PRLR: variants seen among roughly 807,000 people sequenced by gnomAD.
PRLR encodes hPRL receptor.
Under a neutral mutation model 40.2 loss-of-function variants are expected in PRLR, and 13 were observed. That is an observed-to-expected ratio of 0.32 (90% CI 0.21 to 0.51). The LOEUF (loss-of-function observed/expected upper bound fraction) is 0.51, where lower values mean the gene tolerates loss of function less well. Among genes scored for constraint, PRLR ranks in the 20% least tolerant of loss-of-function variants. The pLI is 0.97. For synonymous variants in PRLR, 269 were observed against 278.7 expected, an observed-to-expected ratio of 0.97 and a Z score of 0.35; for missense variants, 656 against 747.3, an observed-to-expected ratio of 0.88 and a Z score of 1.42.
rs1383652951 is a variant in PRLR, at chr5:35,058,360, A to G, written c.*6729T>C. 6.6e-6 allele frequency: 1 copy of G among 152,230 alleles called. No homozygotes were observed. Among genetic ancestry groups the G allele is most frequent in the Non-Finnish European group, 1.5e-5 (1 of 68,036 alleles). The allele number at this position is 152,230 out of a possible 1,614,324, so 9.4% of individuals were successfully genotyped here. A position where few individuals can be genotyped will look rare whatever the true frequency, so the allele number is the denominator to read the frequency against. ...CTGGTTCTAGATTGCTTTGGTTTCC[A>G]CATGAGACTTTTCAATTGTTTAAAA... On this transcript the variant is annotated 3_prime_UTR_variant, in exon 10 of 10. Transcript: ENST00000618457.
rs141645883 is a variant in PRLR at position 35,221,525 on chromosome 5, T to C, written c.-106+8743A>G. On this transcript the variant is annotated intron_variant, in intron 1 of 9. Transcript: ENST00000618457. ...TATAGTTTGATGGTTTTCTGGGCCA[T>C]GAGACTCTAAAACAAGGCAAAAGAA... Among the ~76,000 whole-genome samples the C allele has an allele frequency of 1.1e-4, 17 of 152,316 alleles. No homozygotes were observed. The East Asian group carries it at 2.7e-3, about 24-fold the overall frequency.
chr5:35,227,142 T>G (rs1776573602), intron 1 of PRLR, among the ~76,000 whole-genome samples: 1 of 152,164 alleles, frequency 6.6e-6, no homozygotes, highest in Non-Finnish European at 1.5e-5. Context: ...AGGAATATTA[T>G]CCTCCCATAG....
At chr5:35,053,254 G>C (rs1483827598), downstream of PRLR, among the ~76,000 whole-genome samples, 1 of 152,196 alleles carries the variant, frequency 6.6e-6, no homozygotes, top group Non-Finnish European at 1.5e-5. Flanking sequence ...AGTGTTGTTA[G>C]CTTGTGGTGA....
At chr5:35,151,989 C>G (rs1247883614) in intron 1 of PRLR, among the ~76,000 whole-genome samples, 1 of 152,070 alleles carries the variant, frequency 6.6e-6, no homozygotes, top group Non-Finnish European at 1.5e-5. Flanking sequence ...GTTACCACAC[C>G]GTAATTTATC....
chr5:35,123,812 T>C (rs1420236147), intron 1 of PRLR, among the ~76,000 whole-genome samples: 2 of 152,180 alleles, frequency 1.3e-5, no homozygotes, highest in Admixed American at 1.3e-4. Flanking sequence ...TAGTCTGTCA[T>C]TCTACCCTCC....
intron 6 of PRLR, among the ~76,000 whole-genome samples, chr5:35,070,702 G>A (rs905664289): frequency 1.3e-5 from 2 of 151,798 alleles, no homozygotes; most frequent in African/African-American, 4.8e-5. Flanking sequence ...AATTAGCCAG[G>A]CATGGTGGCA....
chr5:35,066,715 C>T lies in PRLR; in HGVS notation c.856-613G>A, dbSNP rs555075965. Among the ~76,000 whole-genome samples the T allele has an allele frequency of 1.1e-4, 16 of 150,956 alleles. No homozygotes were observed. The South Asian group carries it at 3.2e-3, about 30-fold the overall frequency. On this transcript the variant is annotated intron_variant, in intron 9 of 9. Coordinates refer to ENST00000618457, the MANE Select transcript of PRLR (RefSeq NM_000949.7). ...ATTATTCTCCCTGCTTCTATCCTTC[C>T]TTTCCCCCTCCTATTTCCTCCTGCC...
intron 9 of PRLR, among the ~76,000 whole-genome samples, chr5:35,066,352 T>C (rs1579563128): frequency 6.6e-6 from 1 of 152,132 alleles, no homozygotes; most frequent in Admixed American, 6.5e-5. Flanking sequence ...AATGGGCAAG[T>C]AGTATATACA....
At chr5:35,147,877 T>C (rs1579731611) in intron 1 of PRLR, among the ~76,000 whole-genome samples, 1 of 152,134 alleles carries the variant, frequency 6.6e-6, no homozygotes, top group South Asian at 2.1e-4. Context: ...GAGAACAAGA[T>C]TGTCACAGGG....
chr5:35,070,399 T>C (rs1769673207), intron 6 of PRLR, 134 bp from the exon 7 acceptor site: 2 of 949,272 alleles, frequency 2.1e-6, no homozygotes. Context: ...TACTCCACTG[T>C]CTTAGCCCTA....
intron 1 of PRLR, among the ~76,000 whole-genome samples, chr5:35,119,632 C>T (rs938793340): frequency 1.3e-5 from 2 of 152,128 alleles, no homozygotes; most frequent in African/African-American, 4.8e-5. Context: ...TGCAGTGACA[C>T]CAAATTTTCT....
At chr5:35,176,028 G>A (rs761704566) in intron 1 of PRLR, among the ~76,000 whole-genome samples, 67 of 152,190 alleles carry the variant, frequency 4.4e-4, no homozygotes, top group Non-Finnish European at 6.5e-4. Flanking sequence ...GTAATATCAT[G>A]TGTGTATATT....
At chr5:35,167,616 C>G (rs1373910357) in intron 1 of PRLR, among the ~76,000 whole-genome samples, 1 of 151,806 alleles carries the variant, frequency 6.6e-6, no homozygotes, top group African/African-American at 2.4e-5. Context: ...CTATTTAAAA[C>G]AACAATAAAA....
intron 2 of PRLR, among the ~76,000 whole-genome samples, chr5:35,091,092 G>A (rs1292580718): frequency 3.3e-5 from 5 of 152,088 alleles, no homozygotes; most frequent in African/African-American, 4.8e-5. Context: ...GATTACAGGC[G>A]TGAGCCACCG....
At chr5:35,116,457 T>A (rs1304063927) in intron 2 of PRLR, among the ~76,000 whole-genome samples, 1 of 152,210 alleles carries the variant, frequency 6.6e-6, no homozygotes, top group Non-Finnish European at 1.5e-5. Context: ...TACATGTCTA[T>A]GAATAATGAA....
intron 1 of PRLR, among the ~76,000 whole-genome samples, chr5:35,160,048 T>A (rs1774630459): frequency 6.6e-6 from 1 of 152,142 alleles, no homozygotes; most frequent in African/African-American, 2.4e-5. Flanking sequence ...AGGAAGAGCA[T>A]TACCCAAGGT....
At chr5:35,227,582 G>T (rs1181145210) in intron 1 of PRLR, among the ~76,000 whole-genome samples, 4 of 152,328 alleles carry the variant, frequency 2.6e-5, no homozygotes, top group African/African-American at 9.6e-5. Context: ...TTTGCATGCA[G>T]GAATACCTCA....
At chr5:35,206,514 GTTAAA>G (rs976875042) in intron 1 of PRLR, among the ~76,000 whole-genome samples, 8 of 152,028 alleles carry the variant, frequency 5.3e-5, no homozygotes, top group African/African-American at 1.9e-4. Context: ...AATAAAAAAT[GTTAAA>G]TTATTCTTAC....
chr5:35,187,721 T>C (rs1775485233), intron 1 of PRLR, among the ~76,000 whole-genome samples: 1 of 152,234 alleles, frequency 6.6e-6, no homozygotes, highest in South Asian at 2.1e-4. Context: ...AAACCACTTG[T>C]CTGAAGCCGC....
Sources: allele counts gnomAD v4.1 joint callset (sites outside exome capture counted in the v4.1 genomes callset), GRCh38; gene constraint gnomAD v4.1.1; transcripts MANE v1.5; gene names NCBI Gene and HGNC (gene_info 2026-07-23, HGNC 2026-07-21).